The following PPFIA2 variants were observed in gnomAD, a reference collection of about 807,000 sequenced individuals.
The protein encoded by PPFIA2 is liprin-alpha-2.
In PPFIA2, 46 loss-of-function variants were observed where a neutral mutation model predicts 175.5. That is an observed-to-expected ratio of 0.26 (90% confidence interval 0.21 to 0.34). The LOEUF (loss-of-function observed/expected upper bound fraction) is 0.34. PPFIA2 is among the 10% of genes least tolerant of loss of function. The pLI, the probability that PPFIA2 is intolerant of heterozygous loss-of-function variation, is 1.00. For synonymous variants in PPFIA2, 568 were observed against 511.4 expected, an observed-to-expected ratio of 1.11 and a Z score of -1.49; for missense variants, 1,179 against 1,506.1, an observed-to-expected ratio of 0.78 and a Z score of 3.60.
At chr12:81,630,300 A>T (rs181744356) in intron 4 of PPFIA2, among the ~76,000 whole-genome samples, 17 of 152,320 alleles carry the variant, frequency 1.1e-4, no homozygotes, top group African/African-American at 3.8e-4. Context: ...ACAATTGCCC[A>T]ATGCAGATGC....
intron 7 of PPFIA2, among the ~76,000 whole-genome samples, chr12:81,412,855 T>C (rs1298185359): frequency 1.3e-5 from 2 of 151,952 alleles, no homozygotes; most frequent in Non-Finnish European, 2.9e-5. Flanking sequence ...TCCACTTGCC[T>C]CTTCAATTTT....
chr12:81,746,084 C>T lies in PPFIA2; in HGVS notation c.249+7889G>A, dbSNP rs557974519. Among the ~76,000 whole-genome samples, 25 of 144,812 alleles carry T rather than the reference C, an allele frequency of 1.7e-4. 1 individual carries two copies. Among genetic ancestry groups the T allele is most frequent in the African/African-American group, 6.1e-4 (25 of 41,204 alleles). ...CATCTCCTGCAAATAAAGTCTTGTG[C>T]CTCACTTAATTAGCTTCATCTCCAA... On this transcript the variant is annotated intron_variant, in intron 3 of 32. Transcript: ENST00000549396.
chr12:81,569,662 C>T (rs982197982), intron 4 of PPFIA2, among the ~76,000 whole-genome samples: 21 of 152,034 alleles, frequency 1.4e-4, no homozygotes, highest in African/African-American at 4.6e-4. Flanking sequence ...GAATATTAAA[C>T]AAGTTTGGAA....
At chr12:81,636,675 CAG>C (rs2064106568) in intron 4 of PPFIA2, among the ~76,000 whole-genome samples, 1 of 151,868 alleles carries the variant, frequency 6.6e-6, no homozygotes, top group Non-Finnish European at 1.5e-5. Flanking sequence ...TGTTTTGAGA[CAG>C]AGTCTTGTTC....
chr12:81,367,371 G>C (rs1023019030), intron 13 of PPFIA2, among the ~76,000 whole-genome samples: 10 of 151,384 alleles, frequency 6.6e-5, no homozygotes, highest in African/African-American at 2.2e-4. Flanking sequence ...AATTTAAATG[G>C]GAAATGCTAT....
chr12:81,622,016 G>A (rs1460445636), intron 4 of PPFIA2, among the ~76,000 whole-genome samples: 1 of 152,146 alleles, frequency 6.6e-6, no homozygotes, highest in East Asian at 1.9e-4. Context: ...AGAAAAATAA[G>A]GAAGTAGCAA....
chr12:81,344,045 G>T (rs2058618933), intron 19 of PPFIA2, among the ~76,000 whole-genome samples: 1 of 152,042 alleles, frequency 6.6e-6, no homozygotes, highest in Admixed American at 6.6e-5. Context: ...GACAACTAGA[G>T]AGAGTCCCTA....
At chr12:81,438,113 T>C (rs78767281) in intron 7 of PPFIA2, among the ~76,000 whole-genome samples, 3,055 of 152,258 alleles carry the variant, frequency 0.02, 83 homozygotes, top group African/African-American at 0.069. Context: ...AAGGTTAAAT[T>C]GTTATGGCTG....
chr12:81,386,520 G>C (rs1276101837), intron 8 of PPFIA2, among the ~76,000 whole-genome samples: 1 of 151,726 alleles, frequency 6.6e-6, no homozygotes, highest in Non-Finnish European at 1.5e-5. Flanking sequence ...AACTAGAGAG[G>C]CAGAGGTGGG....
intron 4 of PPFIA2, among the ~76,000 whole-genome samples, chr12:81,460,638 T>C (rs1165979500): frequency 6.6e-6 from 1 of 152,068 alleles, no homozygotes; most frequent in African/African-American, 2.4e-5. Flanking sequence ...ATTTTAACAC[T>C]TTTCCTCTGA....
chr12:81,512,291 CCTGGTCGGCCT>C lies in PPFIA2; in HGVS notation c.304-54436_304-54426del, dbSNP rs764473801. The stretch of plus-strand genomic sequence containing the variant: ...TGCTGACACAAAACATACCTGATGT[CCTGGTCGGCCT>C]CTGGCTCTCCCTTCCCATCTCCCAC... On this transcript the variant is annotated intron_variant, in intron 4 of 32. Coordinates refer to ENST00000549396, the MANE Select transcript of PPFIA2 (RefSeq NM_003625.5). 19 of 1,287,856 alleles carry C rather than the reference CCTGGTCGGCCT, an allele frequency of 1.5e-5. No homozygotes were observed. In the East Asian group the frequency reaches 3.9e-4, roughly 26 times the overall value. 79.8% of individuals were successfully genotyped at this position (1,287,856 alleles called of 1,614,324 possible). A position where few individuals can be genotyped will look rare whatever the true frequency, so the allele number is the denominator to read the frequency against.
At chr12:81,366,854 G>A (rs1177746421) in intron 14 of PPFIA2, among the ~76,000 whole-genome samples, 2 of 151,666 alleles carry the variant, frequency 1.3e-5, no homozygotes, top group African/African-American at 2.4e-5. Context: ...ATCCTTTAAT[G>A]GAAGAGTATG....
At chr12:81,267,805 T>TTAAC (rs2037763254) in intron 29 of PPFIA2, 107 bp downstream of exon 29, 2 of 950,510 alleles carry the variant, frequency 2.1e-6, no homozygotes, top group Admixed American at 3.3e-5. Flanking sequence ...AAACATTGAG[T>TTAAC]TAACTTTCAT....
chr12:81,312,101 G>GA (rs879613701), intron 22 of PPFIA2: 1,157 of 1,463,322 alleles, frequency 7.9e-4, no homozygotes, highest in Non-Finnish European at 8.8e-4. Context: ...TCTGAAAAAA[G>GA]AAAAAAAAAG....
chr12:81,423,719 T>A (rs2046684369), intron 7 of PPFIA2, among the ~76,000 whole-genome samples: 2 of 152,102 alleles, frequency 1.3e-5, no homozygotes, highest in African/African-American at 4.8e-5. Flanking sequence ...TACTTCTTTT[T>A]GACATAGTAC....
At position 81,367,099 on chromosome 12, in the gene PPFIA2, C is replaced by G. The variant is rs1183105726; in HGVS notation, c.1545+9G>C. The G allele has an allele frequency of 2.7e-6, 4 of 1,459,176 alleles. No homozygotes were observed. Among genetic ancestry groups the G allele is most frequent in the Non-Finnish European group, 3.6e-6 (4 of 1,099,746 alleles). The allele number at this position is 1,459,176 out of a possible 1,614,324, so 90.4% of individuals were successfully genotyped here. A position where few individuals can be genotyped will look rare whatever the true frequency, so the allele number is the denominator to read the frequency against. ...GAAAATGGGCCCAAAACATAAGTTT[C>G]CATTATACCTTATCATGTAAAGATT... is the stretch of plus-strand genomic sequence containing the variant. On this transcript the variant is annotated intron_variant, in intron 14 of 32. Coordinates refer to ENST00000549396, the MANE Select transcript of PPFIA2 (RefSeq NM_003625.5).
intron 3 of PPFIA2, among the ~76,000 whole-genome samples, chr12:81,729,481 C>T (rs893062812): frequency 6.6e-6 from 1 of 151,494 alleles, no homozygotes; most frequent in Non-Finnish European, 1.5e-5. Flanking sequence ...TGAATAGTTT[C>T]AGATATGCAG....
intron 29 of PPFIA2, chr12:81,267,229 G>C (rs748825821): frequency 3.5e-6 from 2 of 574,670 alleles, no homozygotes; most frequent in Non-Finnish European, 6.5e-6. Context: ...ACAGTAGAGA[G>C]ACAGTCTTGC....
chr12:81,419,824 G>A (rs972716874), intron 7 of PPFIA2, among the ~76,000 whole-genome samples: 4 of 152,132 alleles, frequency 2.6e-5, no homozygotes, highest in Non-Finnish European at 4.4e-5. Flanking sequence ...CCATAGCCAT[G>A]CCATATGAAC....
Sources: allele counts gnomAD v4.1 joint callset (sites outside exome capture counted in the v4.1 genomes callset), GRCh38; gene constraint gnomAD v4.1.1; transcripts MANE v1.5; gene names NCBI Gene and HGNC (gene_info 2026-07-23, HGNC 2026-07-21).